AZIN1: variants seen among roughly 807,000 people sequenced by gnomAD.
The protein encoded by AZIN1 is antizyme inhibitor 1, also known as ornithine decarboxylase antizyme inhibitor.
Under a neutral mutation model 47.4 loss-of-function variants are expected in AZIN1, and 12 were observed. That is an observed-to-expected ratio of 0.25 (90% CI 0.16 to 0.41). The LOEUF (loss-of-function observed/expected upper bound fraction) is 0.41, where lower values mean the gene tolerates loss of function less well. Among genes scored for constraint, AZIN1 ranks in the 10% least tolerant of loss-of-function variants. The pLI, the probability that AZIN1 is intolerant of heterozygous loss-of-function variation, is 1.00. For synonymous variants in AZIN1, 155 were observed against 176.3 expected, an observed-to-expected ratio of 0.88 and a Z score of 0.96; for missense variants, 410 against 532.4, an observed-to-expected ratio of 0.77 and a Z score of 2.26.
At chr8:102,833,673 GCAGGAGGATCACTTGGGGA>G (rs1160100718) in intron 8 of AZIN1, among the ~76,000 whole-genome samples, 1 of 151,968 alleles carries the variant, frequency 6.6e-6, no homozygotes, top group Non-Finnish European at 1.5e-5. Context: ...GGAGGCTGGG[GCAGGAGGATCACTTGGGGA>G]CAGGAGGATC....
At chr8:102,840,431 C>T (rs771482165) in intron 3 of AZIN1, among the ~76,000 whole-genome samples, 1 of 152,126 alleles carries the variant, frequency 6.6e-6, no homozygotes, top group Non-Finnish European at 1.5e-5. Flanking sequence ...CAGCCTCCAA[C>T]TCCTGGAGCT....
At chr8:102,847,467 A>G (rs1812640186) in intron 2 of AZIN1, among the ~76,000 whole-genome samples, 1 of 152,162 alleles carries the variant, frequency 6.6e-6, no homozygotes, top group Non-Finnish European at 1.5e-5. Context: ...TCAGAAACAA[A>G]TGGACAAAAG....
Position 102,864,097 on chromosome 8 carries a change from GAGGCAGAGAAGGCGACGGCAGAA to G in AZIN1, c.-547_-525del. On this transcript the variant is annotated 5_prime_UTR_variant, in exon 1 of 12. Coordinates refer to ENST00000337198, the MANE Select transcript of AZIN1 (RefSeq NM_148174.4). ...GCAGCAGAGCGAGAAAGGATGAGAAGAGGCAGAGAAGGCGACGGCAGAAGAAAAAAGGAAAAACTGCGGCCGCG... is the reference window on the plus strand; with the variant it reads ...GCAGCAGAGCGAGAAAGGATGAGAAGGAAAAAAGGAAAAACTGCGGCCGCG... 1 of 173,574 alleles carries G rather than the reference GAGGCAGAGAAGGCGACGGCAGAA, an allele frequency of 5.8e-6. No homozygotes were observed. The highest frequency in any genetic ancestry group is 1.2e-5 in the Non-Finnish European group (1 of 82,192). The allele number at this position is 173,574 out of a possible 1,614,324, so 10.8% of individuals were successfully genotyped here.
intron 1 of AZIN1, among the ~76,000 whole-genome samples, chr8:102,859,528 A>T (rs796258818): frequency 7.2e-5 from 11 of 152,244 alleles, no homozygotes; most frequent in African/African-American, 2.6e-4. Context: ...AAAAGATACT[A>T]GTAGGGAATG....
chr8:102,847,362 A>C (rs1179174718), intron 2 of AZIN1, among the ~76,000 whole-genome samples: 7 of 146,390 alleles, frequency 4.8e-5, no homozygotes, highest in African/African-American at 1.2e-4. Flanking sequence ...AAAAAAAAAA[A>C]AAAAAAACAA....
chr8:102,828,789 A>G (rs1811252460), intron 11 of AZIN1, 111 bp from the exon 12 acceptor site: 1 of 656,164 alleles, frequency 1.5e-6, no homozygotes, highest in Non-Finnish European at 2.6e-6. Context: ...AAAACCTTTA[A>G]AAGATCATCA....
Position 102,834,766 on chromosome 8 carries a change from T to A in AZIN1, c.585-19A>T. ...ATGAAATCTGAAACACATAGAATAC[T>A]AAATTTAAAGGAGCAGAAAGTTGTA... On this transcript the variant is annotated intron_variant, in intron 6 of 11. Transcript: ENST00000337198. The A allele has an allele frequency of 6.3e-7, 1 of 1,577,896 alleles. No homozygotes were observed. Among genetic ancestry groups the A allele is most frequent in the Non-Finnish European group, 8.7e-7 (1 of 1,151,654 alleles).
intron 2 of AZIN1, chr8:102,854,435 A>G (rs1014685431): frequency 6.6e-6 from 1 of 151,720 alleles, no homozygotes; most frequent in African/African-American, 2.4e-5. Flanking sequence ...CCATCTCCAC[A>G]AAAATACAAA....
At position 102,827,701 on chromosome 8, in the gene AZIN1, T is replaced by C. The variant is rs1035920195; in HGVS notation, c.*866A>G. ...ACTAAGGTACTCTATGCATTCTATC[T>C]ATACAGAAACACCTATTTATTATTA... On this transcript the variant is annotated 3_prime_UTR_variant, in exon 12 of 12. Transcript: ENST00000337198. The C allele has an allele frequency of 5.9e-5, 9 of 152,670 alleles. No individual in the cohort carries two copies. The highest frequency in any genetic ancestry group is 2.2e-4 in the African/African-American group (9 of 41,462). The allele number at this position is 152,670 out of a possible 1,614,324, so 9.5% of individuals were successfully genotyped here. A position where few individuals can be genotyped will look rare whatever the true frequency, so the allele number is the denominator to read the frequency against.
intron 2 of AZIN1, among the ~76,000 whole-genome samples, chr8:102,849,305 GAAAC>G (rs1563544760): frequency 6.6e-6 from 1 of 151,790 alleles, no homozygotes; most frequent in Non-Finnish European, 1.5e-5. Flanking sequence ...ACAAAAACAA[GAAAC>G]AAAAACCCCC....
chr8:102,832,970 C>A, intron 9 of AZIN1, 86 bp downstream of exon 9: 1 of 1,247,710 alleles, frequency 8.0e-7, no homozygotes, highest in Non-Finnish European at 1.1e-6. Context: ...CTGAAAACCA[C>A]CTACAACTTC....
At chr8:102,831,989 C>T (rs571111757) in intron 9 of AZIN1, among the ~76,000 whole-genome samples, 2 of 152,232 alleles carry the variant, frequency 1.3e-5, no homozygotes, top group African/African-American at 4.8e-5. Flanking sequence ...TGGCCACTAT[C>T]ATGTGCCTCC....
chr8:102,841,266 AAG>A (rs1399609108), intron 3 of AZIN1, among the ~76,000 whole-genome samples: 1 of 152,208 alleles, frequency 6.6e-6, no homozygotes, highest in Non-Finnish European at 1.5e-5. Context: ...AAGGTTAAAT[AAG>A]AGAGGACAAA....
Position 102,833,040 on chromosome 8 carries a change from A to T in AZIN1, c.904+16T>A. The T allele has an allele frequency of 6.3e-7, 1 of 1,583,464 alleles. No individual in the cohort carries two copies. The highest frequency in any genetic ancestry group is 1.1e-5 in the South Asian group (1 of 89,680). On this transcript the variant is annotated intron_variant, in intron 9 of 11. Transcript: ENST00000337198. ...TATCTACCAACAAAAATAAAACTAT[A>T]AACTTTATAACTTACCTCCAGAGGG... is the stretch of plus-strand genomic sequence containing the variant.
Position 102,827,397 on chromosome 8 carries a change from C to G in AZIN1, c.*1170G>C, listed in dbSNP as rs1811173427. ...ACTAAGCAGAACAAATTGGAAATAA[C>G]AAGAAACTAAGGGGACAGTTCAAAC... On this transcript the variant is annotated 3_prime_UTR_variant, in exon 12 of 12. Transcript: ENST00000337198. The G allele has an allele frequency of 6.6e-6, 1 of 152,056 alleles. No individual in the cohort carries two copies. The highest frequency in any genetic ancestry group is 1.5e-5 in the Non-Finnish European group (1 of 67,986). The allele number at this position is 152,056 out of a possible 1,614,324, so 9.4% of individuals were successfully genotyped here.
At chr8:102,834,801 C>G (rs978857559) in intron 6 of AZIN1, 54 bp from the exon 7 acceptor site, 9 of 1,208,836 alleles carry the variant, frequency 7.4e-6, no homozygotes, top group Non-Finnish European at 1.1e-5. Flanking sequence ...AGAGACACCT[C>G]CTGTAATTTC....
chr8:102,848,569 ACT>A (rs763578633), intron 2 of AZIN1, among the ~76,000 whole-genome samples: 3 of 152,038 alleles, frequency 2.0e-5, no homozygotes, highest in Non-Finnish European at 4.4e-5. Flanking sequence ...GAGGCAACAA[ACT>A]CTTTGTTCAA....
chr8:102,851,572 G>C (rs1000048171), intron 2 of AZIN1, among the ~76,000 whole-genome samples: 6 of 152,132 alleles, frequency 3.9e-5, no homozygotes, highest in Admixed American at 3.9e-4. Context: ...TGGGCGTGGT[G>C]GTGGGCACCT....
chr8:102,840,121 G>T (rs1392787637), intron 3 of AZIN1, among the ~76,000 whole-genome samples: 2 of 152,184 alleles, frequency 1.3e-5, no homozygotes, highest in African/African-American at 4.8e-5. Context: ...AAGTCAGAAT[G>T]AAACTGCCTT....
Sources: allele counts gnomAD v4.1 joint callset (sites outside exome capture counted in the v4.1 genomes callset), GRCh38; gene constraint gnomAD v4.1.1; transcripts MANE v1.5; gene names NCBI Gene and HGNC (gene_info 2026-07-23, HGNC 2026-07-21).